The following KCTD1 variants were observed in gnomAD, a reference collection of about 807,000 sequenced individuals.
KCTD1 encodes the protein BTB/POZ domain-containing protein KCTD1.
Under a neutral mutation model 66.0 loss-of-function variants are expected in KCTD1, and 24 were observed. The ratio of observed to expected loss-of-function variants is 0.36; its 90% CI spans 0.26 to 0.51. The LOEUF (loss-of-function observed/expected upper bound fraction) is 0.51. Ranked by LOEUF, KCTD1 falls within the 20% of genes least tolerant of loss-of-function variation. The probability of loss-of-function intolerance (pLI) is 0.95; values close to 1 mark genes in which losing one functional copy is unlikely to be tolerated. For missense variants in KCTD1, 943 were observed against 1,205.2 expected, an observed-to-expected ratio of 0.78 and a Z score of 3.22; for synonymous variants, 511 against 517.2, an observed-to-expected ratio of 0.99 and a Z score of 0.16.
chr18:26,537,620 G>A (rs1023279265), intron 1 of KCTD1, among the ~76,000 whole-genome samples: 15 of 152,206 alleles, frequency 9.9e-5, no homozygotes, highest in African/African-American at 3.4e-4. Context: ...CAGAAGTCAA[G>A]TATTAGAAAA....
chr18:26,560,274 G>A (rs919736755), intron 1 of KCTD1, among the ~76,000 whole-genome samples: 10 of 151,892 alleles, frequency 6.6e-5, no homozygotes, highest in Non-Finnish European at 1.5e-4. Flanking sequence ...ATGTATCAAT[G>A]CCAGATCCCA....
chr18:26,642,393 AT>A (rs1298418742), upstream of KCTD1, among the ~76,000 whole-genome samples: 2 of 152,158 alleles, frequency 1.3e-5, no homozygotes, highest in Non-Finnish European at 2.9e-5. Flanking sequence ...TAAATAAGCA[AT>A]GGTTGATGAG....
intron 1 of KCTD1, among the ~76,000 whole-genome samples, chr18:26,527,682 T>G (rs1300777894): frequency 3.3e-5 from 5 of 152,184 alleles, no homozygotes; most frequent in African/African-American, 1.2e-4. Flanking sequence ...TGTCAATGTT[T>G]CAGCAATTGC....
upstream of KCTD1, chr18:26,548,813 T>C: frequency 9.2e-7 from 1 of 1,081,086 alleles, no homozygotes; most frequent in Non-Finnish European, 1.1e-6. Flanking sequence ...CGGCTCCCAC[T>C]TCTAAGAAAA....
At chr18:26,570,603 G>T (rs1034991752) in intron 1 of KCTD1, among the ~76,000 whole-genome samples, 1 of 151,968 alleles carries the variant, frequency 6.6e-6, no homozygotes, top group African/African-American at 2.4e-5. Flanking sequence ...TAGAGACGAG[G>T]TTTCACTATG....
chr18:26,466,511 T>C (rs1213605201), intron 3 of KCTD1, among the ~76,000 whole-genome samples: 1 of 152,188 alleles, frequency 6.6e-6, no homozygotes, highest in East Asian at 1.9e-4. Context: ...TCTTGGTTGT[T>C]GCAACCGGGA....
chr18:26,459,319 G>C (rs1980275352), intron 4 of KCTD1: 3 of 310,082 alleles, frequency 9.7e-6, no homozygotes, highest in Admixed American at 4.6e-5. Context: ...GAACTCCTGG[G>C]CTCAAGTGAT....
chr18:26,566,715 C>T (rs183593384), intron 1 of KCTD1: 2 of 151,804 alleles, frequency 1.3e-5, no homozygotes, highest in African/African-American at 4.8e-5. Context: ...TGAGGTTCAA[C>T]TTGATTCTAC....
At chr18:26,630,617 G>A (rs562741294), upstream of KCTD1, among the ~76,000 whole-genome samples, 3 of 152,236 alleles carry the variant, frequency 2.0e-5, no homozygotes, top group Non-Finnish European at 4.4e-5. Context: ...TTATAGGCAT[G>A]AGCCACTGTG....
intron 3 of KCTD1, among the ~76,000 whole-genome samples, chr18:26,463,772 T>C (rs1205550048): frequency 1.3e-5 from 2 of 152,162 alleles, no homozygotes; most frequent in Non-Finnish European, 2.9e-5. Context: ...TCTGACCTCA[T>C]GTGATCCACC....
In KCTD1 at chr18:26,554,165, GAAAA is replaced by G. The variant is rs1297764705; in HGVS notation, c.-15-52919_-15-52916del. ...ATCAAGGGAACAATTCAGAAGGAAA[GAAAA>G]AGAAAGAAGGAAGGAAAAAAGAAAG... is the stretch of plus-strand genomic sequence containing the variant. On this transcript the variant is annotated intron_variant, in intron 1 of 4. Coordinates refer to the KCTD1 transcript ENST00000317932. Among the ~76,000 whole-genome samples the G allele has an allele frequency of 3.6e-3, 495 of 139,116 alleles. 4 individuals are homozygous for G. The highest frequency in any genetic ancestry group is 0.012 in the African/African-American group (472 of 38,736). 91.3% of individuals were successfully genotyped at this position (139,116 alleles called of 152,430 possible).
intron 2 of KCTD1, among the ~76,000 whole-genome samples, chr18:26,492,236 T>C (rs1982239692): frequency 1.3e-5 from 2 of 151,842 alleles, no homozygotes; most frequent in African/African-American, 4.8e-5. Context: ...AGTGAGACCC[T>C]ATCTGGAAAA....
intron 1 of KCTD1, among the ~76,000 whole-genome samples, chr18:26,572,545 A>G (rs1986133932): frequency 6.6e-6 from 1 of 152,244 alleles, no homozygotes; most frequent in South Asian, 2.1e-4. Flanking sequence ...AGGGATGTGA[A>G]CATCAGAATG....
rs898702551 is a variant in KCTD1 at position 26,495,832 on chromosome 18, G to A, written c.1988+5240C>T. Among the ~76,000 whole-genome samples, 4 of 152,170 alleles carry A rather than the reference G, an allele frequency of 2.6e-5. No individual in the cohort carries two copies. The East Asian group carries it at 5.8e-4, about 22-fold the overall frequency. On this transcript the variant is annotated intron_variant, in intron 2 of 4. Coordinates refer to ENST00000580059, the MANE Select transcript of KCTD1 (RefSeq NM_001142730.3). ...ATAACCTATTACACTTGATAGGTTC[G>A]ATGAATTAGTAGTATCAATCTACTT...
chr18:26,578,264 C>G (rs1356309118), intron 1 of KCTD1, among the ~76,000 whole-genome samples: 1 of 151,972 alleles, frequency 6.6e-6, no homozygotes, highest in African/African-American at 2.4e-5. Flanking sequence ...CAATGTCCTT[C>G]TATAAATATT....
At chr18:26,483,611 G>A (rs1981760717) in intron 2 of KCTD1, among the ~76,000 whole-genome samples, 1 of 152,206 alleles carries the variant, frequency 6.6e-6, no homozygotes, top group Non-Finnish European at 1.5e-5. Context: ...GGAAGCACTT[G>A]TAGCTTCATA....
upstream of KCTD1, chr18:26,548,775 G>A: frequency 1.8e-6 from 2 of 1,124,498 alleles, no homozygotes; most frequent in East Asian, 9.5e-5. Context: ...AAGGACGGAG[G>A]CTGACCAGAC....
chr18:26,456,041 G>T (rs537314040), intron 4 of KCTD1, 140 bp from the exon 5 acceptor site: 17 of 727,824 alleles, frequency 2.3e-5, no homozygotes, highest in East Asian at 1.9e-4. Flanking sequence ...CCTCTCAAAG[G>T]AAGACCCTGG....
At chr18:26,554,117 AAAG>A (rs1985646006) in intron 1 of KCTD1, among the ~76,000 whole-genome samples, 2 of 137,702 alleles carry the variant, frequency 1.5e-5, no homozygotes, top group Admixed American at 1.4e-4. Flanking sequence ...GGAGGGAAAG[AAAG>A]AAAAGAGAAA....
Sources: allele counts gnomAD v4.1 joint callset (sites outside exome capture counted in the v4.1 genomes callset), GRCh38; gene constraint gnomAD v4.1.1; transcripts MANE v1.5; gene names NCBI Gene and HGNC (gene_info 2026-07-23, HGNC 2026-07-21).